GPC5: variants seen among roughly 807,000 people sequenced by gnomAD.
GPC5 encodes the protein glypican 5.
Under a neutral mutation model 53.9 loss-of-function variants are expected in GPC5, and 47 were observed. The observed-to-expected ratio is 0.87, with a 90% confidence interval of 0.69 to 1.11. GPC5 has a LOEUF of 1.11. GPC5 is among the 50% of genes most tolerant of loss of function. The pLI is 0.00. For synonymous variants in GPC5, 286 were observed against 263.3 expected (o/e 1.09, Z -0.84); for missense variants, 748 against 713.1 (o/e 1.05, Z -0.56).
intron 7 of GPC5, among the ~76,000 whole-genome samples, chr13:92,666,058 T>C (rs1594400484): frequency 6.6e-6 from 1 of 152,214 alleles, no homozygotes; most frequent in African/African-American, 2.4e-5. Context: ...CTTTTCTATA[T>C]GTTAGAATTG....
intron 7 of GPC5, among the ~76,000 whole-genome samples, chr13:92,185,283 G>C (rs1248970332): frequency 6.6e-6 from 1 of 152,102 alleles, no homozygotes; most frequent in Admixed American, 6.5e-5. Flanking sequence ...TTTTAAGTTA[G>C]TAATTTGTAT....
At chr13:92,197,242 CCA>C (rs1296154317) in intron 7 of GPC5, among the ~76,000 whole-genome samples, 3 of 152,046 alleles carry the variant, frequency 2.0e-5, no homozygotes, top group Non-Finnish European at 4.4e-5. Context: ...AACCCCCAGA[CCA>C]TAAATTTTCT....
chr13:92,289,088 CAAA>C (rs71120090), intron 7 of GPC5, among the ~76,000 whole-genome samples: 14,480 of 141,160 alleles, frequency 0.1, 729 homozygotes, highest in Middle Eastern at 0.13. Flanking sequence ...AATAAATTAC[CAAA>C]AAAAAAAAAG....
At chr13:92,357,959 G>A (rs2043536384) in intron 7 of GPC5, among the ~76,000 whole-genome samples, 1 of 151,444 alleles carries the variant, frequency 6.6e-6, no homozygotes, top group South Asian at 2.1e-4. Context: ...AAAATAAAAT[G>A]ACCTCTTCTC....
intron 7 of GPC5, among the ~76,000 whole-genome samples, chr13:92,431,248 C>G (rs544931514): frequency 6.6e-6 from 1 of 152,166 alleles, no homozygotes; most frequent in Non-Finnish European, 1.5e-5. Flanking sequence ...AAGAAAGTTT[C>G]ATTCAAATAG....
intron 7 of GPC5, among the ~76,000 whole-genome samples, chr13:92,265,097 C>T (rs1445299730): frequency 6.6e-6 from 1 of 152,050 alleles, no homozygotes; most frequent in Non-Finnish European, 1.5e-5. Flanking sequence ...GTCATTCTCC[C>T]ATTGTCTTAA....
At chr13:92,613,520 A>G (rs1446647143) in intron 7 of GPC5, among the ~76,000 whole-genome samples, 1 of 106,676 alleles carries the variant, frequency 9.4e-6, no homozygotes, top group African/African-American at 3.8e-5. Flanking sequence ...AAAATATAAT[A>G]TATAATTTAT....
chr13:92,172,751 A>G (rs1001722729), intron 7 of GPC5, among the ~76,000 whole-genome samples: 4 of 152,006 alleles, frequency 2.6e-5, no homozygotes, highest in Admixed American at 6.6e-5. Flanking sequence ...GAAAAGGTTT[A>G]CTCACTGCTA....
chr13:92,290,035 C>T (rs909886808), intron 7 of GPC5, among the ~76,000 whole-genome samples: 1 of 152,098 alleles, frequency 6.6e-6, no homozygotes, highest in African/African-American at 2.4e-5. Flanking sequence ...TGCACACATC[C>T]AGTTTATGAT....
chr13:92,121,476 A>T (rs1194357285), intron 6 of GPC5, among the ~76,000 whole-genome samples: 2 of 152,192 alleles, frequency 1.3e-5, no homozygotes, highest in East Asian at 3.8e-4. Context: ...TCTCAAGAAT[A>T]CTTAGGTGAT....
chr13:91,905,082 C>G (rs2039539286), intron 5 of GPC5, among the ~76,000 whole-genome samples: 1 of 152,060 alleles, frequency 6.6e-6, no homozygotes, highest in South Asian at 2.1e-4. Context: ...AGATGTTTAT[C>G]ATGAATTGAC....
chr13:92,483,157 T>C (rs1487641902), intron 7 of GPC5, among the ~76,000 whole-genome samples: 1 of 152,216 alleles, frequency 6.6e-6, no homozygotes, highest in African/African-American at 2.4e-5. Context: ...TGGGGATTAT[T>C]ACAATTCAAG....
chr13:91,458,209 T>A (rs1253243736), intron 2 of GPC5, among the ~76,000 whole-genome samples: 1 of 151,960 alleles, frequency 6.6e-6, no homozygotes, highest in East Asian at 1.9e-4. Context: ...GCCTCAGCTG[T>A]CAGAGGAATA....
chr13:92,852,362 A>G (rs1294747805), intron 7 of GPC5, among the ~76,000 whole-genome samples: 1 of 152,126 alleles, frequency 6.6e-6, no homozygotes, highest in African/African-American at 2.4e-5. Flanking sequence ...AAAGGGGAGA[A>G]GCGGTTTTAA....
intron 7 of GPC5, among the ~76,000 whole-genome samples, chr13:92,673,108 T>C (rs1296761788): frequency 3.9e-5 from 6 of 152,094 alleles, no homozygotes; most frequent in Admixed American, 3.3e-4. Flanking sequence ...ATATCAACTT[T>C]AAATAATTTT....
chr13:92,103,526 C>CT (rs2041483041), intron 6 of GPC5, among the ~76,000 whole-genome samples: 1 of 152,016 alleles, frequency 6.6e-6, no homozygotes, highest in Non-Finnish European at 1.5e-5. Flanking sequence ...ATCTTTGATT[C>CT]TTTTTTCCTT....
At chr13:92,475,714 G>T (rs995528864) in intron 7 of GPC5, among the ~76,000 whole-genome samples, 3 of 152,082 alleles carry the variant, frequency 2.0e-5, no homozygotes, top group Admixed American at 6.6e-5. Flanking sequence ...ACAGAACAGA[G>T]CCCTCAGAAA....
chr13:92,515,255 C>A (rs1469385412), intron 7 of GPC5, among the ~76,000 whole-genome samples: 1 of 152,120 alleles, frequency 6.6e-6, no homozygotes, highest in Admixed American at 6.5e-5. Context: ...TCCTTACCCC[C>A]AAAGAATTTG....
chr13:92,465,175 A>T (rs1015218623), intron 7 of GPC5, among the ~76,000 whole-genome samples: 1 of 152,058 alleles, frequency 6.6e-6, no homozygotes, highest in Admixed American at 6.6e-5. Flanking sequence ...TTTTCATGTG[A>T]TTATTTATTT....
Sources: allele counts gnomAD v4.1 joint callset (sites outside exome capture counted in the v4.1 genomes callset), GRCh38; gene constraint gnomAD v4.1.1; transcripts MANE v1.5; gene names NCBI Gene and HGNC (gene_info 2026-07-23, HGNC 2026-07-21).